FAT3: variants seen among roughly 807,000 people sequenced by gnomAD.
FAT3 encodes FAT atypical cadherin 3.
Under a neutral mutation model 310.2 loss-of-function variants are expected in FAT3, and 95 were observed. The observed-to-expected ratio is 0.31, with a 90% CI of 0.26 to 0.36. The LOEUF is 0.36. Among genes scored for constraint, FAT3 ranks in the 10% least tolerant of loss-of-function variants. FAT3 has a pLI of 1.00. For synonymous variants in FAT3, 2,314 were observed against 2,192.9 expected (o/e 1.06, Z -1.54); for missense variants, 5,408 against 5,715.6 (o/e 0.95, Z 1.74).
chr11:92,293,342 TTTTCTTCTTTTTCAACAG>T (rs1458089925), intron 1 of FAT3, among the ~76,000 whole-genome samples: 6 of 151,504 alleles, frequency 4.0e-5, no homozygotes, highest in Non-Finnish European at 7.4e-5. Context: ...ATCATCAGTC[TTTTCTTCTTTTTCAACAG>T]TTAAATTTTT....
chr11:92,403,113 A>G (rs1295165124), intron 2 of FAT3: 1 of 152,256 alleles, frequency 6.6e-6, no homozygotes, highest in Admixed American at 6.5e-5. Context: ...TTACATACGC[A>G]GAGCTTGAGC....
chr11:92,252,838 T>A (rs566547525), intron 1 of FAT3, among the ~76,000 whole-genome samples: 1 of 152,164 alleles, frequency 6.6e-6, no homozygotes, highest in African/African-American at 2.4e-5. Flanking sequence ...TAAACCTTCC[T>A]CCAGTAGCAA....
intron 3 of FAT3, among the ~76,000 whole-genome samples, chr11:92,624,385 T>A (rs1941228522): frequency 6.6e-6 from 1 of 152,176 alleles, no homozygotes; most frequent in African/African-American, 2.4e-5. Context: ...GGAAAAAAAC[T>A]TAGAACTTGT....
intron 20 of FAT3, among the ~76,000 whole-genome samples, chr11:92,858,530 C>A (rs1021857647): frequency 5.3e-5 from 8 of 152,186 alleles, no homozygotes; most frequent in African/African-American, 1.9e-4. Context: ...CTTGTTAAAA[C>A]ATAAAGTTGA....
At chr11:92,463,956 G>C (rs1204560079) in intron 2 of FAT3, among the ~76,000 whole-genome samples, 1 of 152,142 alleles carries the variant, frequency 6.6e-6, no homozygotes, top group East Asian at 1.9e-4. Context: ...CGTGAATGTG[G>C]TAAAATAATA....
chr11:92,680,596 T>C (rs774080966), intron 3 of FAT3, among the ~76,000 whole-genome samples: 2 of 152,210 alleles, frequency 1.3e-5, no homozygotes, highest in Non-Finnish European at 2.9e-5. Context: ...TTGGGGATCT[T>C]TGTTGGTTCC....
intron 7 of FAT3, among the ~76,000 whole-genome samples, chr11:92,777,208 T>C (rs1946621091): frequency 1.3e-5 from 2 of 152,190 alleles, no homozygotes; most frequent in Admixed American, 1.3e-4. Flanking sequence ...TTCTCTGCTT[T>C]GTTCATTTGG....
At chr11:92,359,027 T>G (rs1948809135) in intron 2 of FAT3, among the ~76,000 whole-genome samples, 1 of 152,110 alleles carries the variant, frequency 6.6e-6, no homozygotes, top group Admixed American at 6.6e-5. Flanking sequence ...AGAGTACACA[T>G]GAGTCATCTA....
intron 2 of FAT3, among the ~76,000 whole-genome samples, chr11:92,379,389 G>T (rs1949434432): frequency 6.6e-6 from 1 of 152,200 alleles, no homozygotes; most frequent in Non-Finnish European, 1.5e-5. Context: ...GGTAGCAGAA[G>T]TTACTTTTGA....
intron 22 of FAT3, among the ~76,000 whole-genome samples, chr11:92,879,019 G>A (rs12792265): frequency 0.37 from 56,743 of 151,680 alleles, 11,028 homozygotes; most frequent in East Asian, 0.5. Flanking sequence ...CAGAAAATTG[G>A]AGGCAAAAAG....
intron 7 of FAT3, among the ~76,000 whole-genome samples, chr11:92,785,438 A>G (rs1946863609): frequency 6.6e-6 from 1 of 152,168 alleles, no homozygotes; most frequent in Non-Finnish European, 1.5e-5. Flanking sequence ...AGGTAAAACT[A>G]TCTCTGTTTG....
intron 2 of FAT3, among the ~76,000 whole-genome samples, chr11:92,511,539 A>G (rs1356233277): frequency 2.6e-5 from 4 of 152,220 alleles, no homozygotes; most frequent in Non-Finnish European, 5.9e-5. Context: ...ATCATAGGAT[A>G]GAGAAAAGCA....
At chr11:92,574,820 A>G (rs1007939453) in intron 3 of FAT3, among the ~76,000 whole-genome samples, 1 of 152,098 alleles carries the variant, frequency 6.6e-6, no homozygotes, top group South Asian at 2.1e-4. Context: ...TGTAATATAT[A>G]TTTTTGGCTG....
chr11:92,872,289 T>G (rs916879057), intron 22 of FAT3, among the ~76,000 whole-genome samples: 3 of 152,272 alleles, frequency 2.0e-5, no homozygotes, highest in Non-Finnish European at 4.4e-5. Flanking sequence ...TGTTGAATTC[T>G]GGGTCTCATT....
At chr11:92,660,003 A>G (rs1368954216) in intron 3 of FAT3, among the ~76,000 whole-genome samples, 1 of 152,182 alleles carries the variant, frequency 6.6e-6, no homozygotes, top group African/African-American at 2.4e-5. Context: ...TGTTGAGAAT[A>G]TGGCTGTACA....
rs187384952 is a variant in FAT3 at position 92,835,628 on chromosome 11, A to G, written c.10086+544A>G. Among the ~76,000 whole-genome samples, 1,181 of 152,286 alleles carry G rather than the reference A, an allele frequency of 7.8e-3. 15 individuals are homozygous for G. Among genetic ancestry groups the G allele is most frequent in the African/African-American group, 0.027 (1,125 of 41,562 alleles). On this transcript the variant is annotated intron_variant, in intron 15 of 27. Coordinates refer to ENST00000525166, the MANE Select transcript of FAT3 (RefSeq NM_001367949.2). The stretch of plus-strand genomic sequence containing the variant: ...CCACATTGTATTCATAAATCATAAC[A>G]TCACTTTGTACCCCATAAATATATG...
At chr11:92,391,929 T>C (rs1949759828) in intron 2 of FAT3, among the ~76,000 whole-genome samples, 1 of 152,186 alleles carries the variant, frequency 6.6e-6, no homozygotes, top group African/African-American at 2.4e-5. Flanking sequence ...TTTTCATAGA[T>C]GAGGAATCCA....
At chr11:92,311,506 C>T (rs1333480496) in intron 1 of FAT3, among the ~76,000 whole-genome samples, 3 of 152,074 alleles carry the variant, frequency 2.0e-5, no homozygotes, top group Non-Finnish European at 4.4e-5. Context: ...TTATTTATTA[C>T]GTTATAGAAT....
intron 21 of FAT3, 51 bp downstream of exon 21, chr11:92,859,373 T>C: frequency 7.0e-7 from 1 of 1,436,844 alleles, no homozygotes; most frequent in Non-Finnish European, 9.3e-7. Context: ...TGTTAGTGTT[T>C]TGGCTCTTGG....
Sources: allele counts gnomAD v4.1 joint callset (sites outside exome capture counted in the v4.1 genomes callset), GRCh38; gene constraint gnomAD v4.1.1; transcripts MANE v1.5; gene names NCBI Gene and HGNC (gene_info 2026-07-23, HGNC 2026-07-21).